Variants in COL11A1 observed in about 807,000 individuals in gnomAD.
The protein encoded by COL11A1 is collagen alpha-1(XI) chain.
COL11A1 carries 74 observed loss-of-function variants against 265.2 expected under a neutral mutation model. That is an observed-to-expected ratio of 0.28 (90% CI 0.23 to 0.34). The LOEUF is 0.34. COL11A1 is among the 10% of genes least tolerant of loss of function. COL11A1 has a pLI of 1.00. For synonymous variants in COL11A1, 816 were observed against 727.6 expected, an observed-to-expected ratio of 1.12 and a Z score of -1.96; for missense variants, 2,165 against 2,263.6, an observed-to-expected ratio of 0.96 and a Z score of 0.88.
chr1:102,916,721 A>T (rs533003838), intron 49 of COL11A1, among the ~76,000 whole-genome samples: 3 of 152,012 alleles, frequency 2.0e-5, no homozygotes, highest in Non-Finnish European at 4.4e-5. Context: ...TGGTGGAGAC[A>T]TCAAGTACTT....
Position 102,975,029 on chromosome 1 carries a change from T to C in COL11A1, c.2755-146A>G, listed in dbSNP as rs894254674. On this transcript the variant is annotated intron_variant, in intron 35 of 66. Coordinates refer to ENST00000370096, the MANE Select transcript of COL11A1 (RefSeq NM_001854.4). Reference sequence around the variant, plus strand: ...ACAGAACTATGGTAATACAACACGATAGTAAGTGCTAATCTAAAAGTAAAA... The same window carrying C: ...ACAGAACTATGGTAATACAACACGACAGTAAGTGCTAATCTAAAAGTAAAA... The C allele has an allele frequency of 1.9e-5, 13 of 678,474 alleles. No homozygotes were observed. In the South Asian group the frequency reaches 2.0e-4, roughly 11 times the overall value. The allele number at this position is 678,474 out of a possible 1,614,324, so 42.0% of individuals were successfully genotyped here. A position where few individuals can be genotyped will look rare whatever the true frequency, so the allele number is the denominator to read the frequency against.
chr1:102,970,325 A>T (rs1661840416), intron 36 of COL11A1, 53 bp from the exon 37 acceptor site: 4 of 1,389,622 alleles, frequency 2.9e-6, no homozygotes, highest in Admixed American at 3.7e-5. Context: ...ATTATTTTAT[A>T]GTCTAAATGT....
At chr1:102,940,204 T>C in intron 43 of COL11A1, 123 bp downstream of exon 43, 1 of 775,850 alleles carries the variant, frequency 1.3e-6, no homozygotes, top group Non-Finnish European at 2.3e-6. Flanking sequence ...AAAATGTGTG[T>C]GAAACTTTGA....
intron 13 of COL11A1, among the ~76,000 whole-genome samples, chr1:103,013,592 T>C (rs1320613701): frequency 6.6e-6 from 1 of 151,974 alleles, no homozygotes; most frequent in African/African-American, 2.4e-5. Flanking sequence ...CAAATAATGA[T>C]ATATTTTCAG....
intron 4 of COL11A1, among the ~76,000 whole-genome samples, chr1:103,035,897 C>A (rs1174600993): frequency 6.6e-6 from 1 of 151,604 alleles, no homozygotes; most frequent in Non-Finnish European, 1.5e-5. Flanking sequence ...AGACACATAG[C>A]AAATAAATAC....
At chr1:102,919,951 G>A (rs1655785697) in intron 49 of COL11A1, among the ~76,000 whole-genome samples, 1 of 151,770 alleles carries the variant, frequency 6.6e-6, no homozygotes. Context: ...AGACATTCAT[G>A]GACTGCAGTG....
At chr1:103,008,203 C>T (rs1033848400) in intron 15 of COL11A1, among the ~76,000 whole-genome samples, 6 of 152,098 alleles carry the variant, frequency 3.9e-5, no homozygotes, top group South Asian at 2.1e-4. Flanking sequence ...TATTTTTACA[C>T]GATTCCCAGT....
intron 1 of COL11A1, among the ~76,000 whole-genome samples, chr1:103,105,584 T>C (rs1674629140): frequency 6.6e-6 from 1 of 152,128 alleles, no homozygotes; most frequent in African/African-American, 2.4e-5. Context: ...AGTATCTGTT[T>C]TAAATTATCT....
intron 4 of COL11A1, among the ~76,000 whole-genome samples, chr1:103,057,601 G>A (rs1202518441): frequency 1.3e-5 from 2 of 152,174 alleles, no homozygotes; most frequent in Non-Finnish European, 1.5e-5. Flanking sequence ...AGGCTTGAAA[G>A]TTGAAATTAC....
At position 102,946,622 on chromosome 1, in the gene COL11A1, C is replaced by T. The variant is rs182456022; in HGVS notation, c.3276+227G>A. 1.4e-3 allele frequency among the ~76,000 whole-genome samples: 212 copies of T among 151,808 alleles called. 2 individuals carry two copies. The highest frequency in any genetic ancestry group is 2.1e-3 in the Non-Finnish European group (145 of 67,930). On this transcript the variant is annotated intron_variant, in intron 42 of 66. Transcript: ENST00000370096. ...GAAAAGCCTTTTACATTAATAATAT[C>T]CAACTCCCTCACAGGTATTACGGTT...
intron 46 of COL11A1, 49 bp downstream of exon 46, chr1:102,934,400 T>G: frequency 3.6e-4 from 487 of 1,343,436 alleles, no homozygotes; most frequent in Non-Finnish European, 4.8e-4. Flanking sequence ...GAAAACCTGG[T>G]GAGAAGTAGG....
intron 36 of COL11A1, among the ~76,000 whole-genome samples, chr1:102,971,200 AG>A (rs1661952079): frequency 4.6e-5 from 7 of 152,224 alleles, no homozygotes. Flanking sequence ...ATGTTTGTGA[AG>A]TACCACAGAG....
chr1:102,926,534 A>G (rs1656620238), intron 46 of COL11A1, among the ~76,000 whole-genome samples: 1 of 152,158 alleles, frequency 6.6e-6, no homozygotes, highest in Admixed American at 6.5e-5. Context: ...GGCAGATGCA[A>G]TTGTGAACAT....
chr1:102,918,697 G>A (rs1221224677), intron 49 of COL11A1, among the ~76,000 whole-genome samples: 2 of 151,960 alleles, frequency 1.3e-5, no homozygotes, highest in Non-Finnish European at 2.9e-5. Flanking sequence ...GTTTTTTAGT[G>A]TAACTCATTT....
In COL11A1 at chr1:103,073,631, A is replaced by G. The variant is rs961646117; in HGVS notation, c.651+987T>C. 1.3e-5 allele frequency among the ~76,000 whole-genome samples: 2 copies of G among 152,010 alleles called. 1 individual carries two copies. Among genetic ancestry groups the G allele is most frequent in the South Asian group, 4.1e-4 (2 of 4,830 alleles). ...AAAAGTCAGAAACGATAGCATCTCA[A>G]ATAAATAATATGGAACTTTCACAAA... On this transcript the variant is annotated intron_variant, in intron 4 of 66. Coordinates refer to ENST00000370096, the MANE Select transcript of COL11A1 (RefSeq NM_001854.4).
At chr1:102,993,989 A>G (rs541016617) in intron 28 of COL11A1, among the ~76,000 whole-genome samples, 2 of 152,344 alleles carry the variant, frequency 1.3e-5, no homozygotes, top group Admixed American at 1.3e-4. Context: ...ACCGTTAAGT[A>G]GGTGAGCTAA....
chr1:102,878,350 G>T (rs1343514107), intron 66 of COL11A1, among the ~76,000 whole-genome samples, 185 bp from the exon 67 acceptor site: 1 of 150,154 alleles, frequency 6.7e-6, no homozygotes, highest in Non-Finnish European at 1.5e-5. Flanking sequence ...ATATTGATTA[G>T]TACATTTAAT....
intron 35 of COL11A1, among the ~76,000 whole-genome samples, chr1:102,977,760 T>C (rs1662641362): frequency 6.6e-6 from 1 of 152,094 alleles, no homozygotes; most frequent in Admixed American, 6.6e-5. Flanking sequence ...TTGGGAACAG[T>C]TCATCGAGAG....
Position 102,975,309 on chromosome 1 carries a change from A to G in COL11A1, c.2755-426T>C, listed in dbSNP as rs959515944. On this transcript the variant is annotated intron_variant, in intron 35 of 66. Transcript: ENST00000370096. ...TGTTTTAAAACTTATTCTATCTTCT[A>G]TCCCTGTTCTGTATCTAGCCGTATA... Among the ~76,000 whole-genome samples the G allele has an allele frequency of 2.0e-5, 3 of 151,534 alleles. No homozygotes were observed. In the East Asian group the frequency reaches 5.8e-4, roughly 29 times the overall value.
Sources: gnomAD v4.1 joint callset for allele counts (sites outside exome capture counted in the v4.1 genomes callset) on GRCh38, gnomAD v4.1.1 for gene constraint, MANE v1.5 for transcripts, NCBI Gene and HGNC (gene_info 2026-07-23, HGNC 2026-07-21) for gene names.